Variants in ASCC3 observed in about 807,000 individuals in gnomAD.
The protein encoded by ASCC3 is ASC-1 complex subunit P200.
In ASCC3, 158 loss-of-function variants were observed where a neutral mutation model predicts 256.3. The observed-to-expected ratio is 0.62, with a 90% confidence interval of 0.54 to 0.70. The LOEUF (loss-of-function observed/expected upper bound fraction) is 0.70. ASCC3 is among the 30% of genes least tolerant of loss of function. The pLI, the probability that ASCC3 is intolerant of heterozygous loss-of-function variation, is 0.00. For missense variants in ASCC3, 2,259 were observed against 2,626.0 expected, an observed-to-expected ratio of 0.86 and a Z score of 3.05; for synonymous variants, 948 against 883.4, an observed-to-expected ratio of 1.07 and a Z score of -1.30.
intron 4 of ASCC3, among the ~76,000 whole-genome samples, chr6:100,807,412 T>C (rs1770243571): frequency 6.6e-6 from 1 of 150,788 alleles, no homozygotes; most frequent in African/African-American, 2.4e-5. Context: ...TTACCCTCCA[T>C]ACTTCCGCAA....
At chr6:100,729,407 G>C (rs1779794214) in intron 10 of ASCC3, among the ~76,000 whole-genome samples, 1 of 152,112 alleles carries the variant, frequency 6.6e-6, no homozygotes, top group African/African-American at 2.4e-5. Flanking sequence ...AATGTGTATT[G>C]GAAGCTATGC....
intron 8 of ASCC3, among the ~76,000 whole-genome samples, chr6:100,778,103 GA>G (rs34451852): frequency 1.2e-4 from 18 of 147,188 alleles, no homozygotes; most frequent in African/African-American, 4.0e-4. Context: ...TAAGATGGTG[GA>G]AAAAAAAAAA....
chr6:100,836,230 G>C (rs1442600831), intron 4 of ASCC3, among the ~76,000 whole-genome samples: 1 of 152,000 alleles, frequency 6.6e-6, no homozygotes, highest in Admixed American at 6.6e-5. Flanking sequence ...TCCCACATTG[G>C]ATGTCTTTTA....
intron 30 of ASCC3, among the ~76,000 whole-genome samples, chr6:100,623,712 T>C (rs1774082312): frequency 6.6e-6 from 1 of 152,112 alleles, no homozygotes; most frequent in Non-Finnish European, 1.5e-5. Context: ...TTTAGGAAAA[T>C]ATTTTTCAAA....
chr6:100,632,590 A>T (rs1307594047), intron 25 of ASCC3, among the ~76,000 whole-genome samples: 1 of 152,186 alleles, frequency 6.6e-6, no homozygotes, highest in Non-Finnish European at 1.5e-5. Context: ...TACAGTAATC[A>T]TAACAGTGTG....
intron 24 of ASCC3, among the ~76,000 whole-genome samples, chr6:100,639,881 G>A (rs926175239): frequency 7.2e-5 from 11 of 152,108 alleles, no homozygotes; most frequent in Non-Finnish European, 1.0e-4. Flanking sequence ...TTGGGAGGCC[G>A]AAGCGGATGG....
intron 4 of ASCC3, among the ~76,000 whole-genome samples, chr6:100,813,933 T>C (rs905767560): frequency 2.6e-5 from 4 of 152,082 alleles, no homozygotes; most frequent in Admixed American, 2.0e-4. Flanking sequence ...TGATGCCTGA[T>C]ATTTCTTTCT....
At chr6:100,767,803 A>C (rs1781732337) in intron 8 of ASCC3, among the ~76,000 whole-genome samples, 1 of 150,542 alleles carries the variant, frequency 6.6e-6, no homozygotes, top group Non-Finnish European at 1.5e-5. Context: ...TATTTAGTAG[A>C]GATGGGGTTT....
chr6:100,868,575 A>G (rs910541823), intron 1 of ASCC3, among the ~76,000 whole-genome samples: 1 of 152,244 alleles, frequency 6.6e-6, no homozygotes, highest in Non-Finnish European at 1.5e-5. Flanking sequence ...AATTCTTTTT[A>G]TAGCACTAAG....
At chr6:100,511,098 G>A (rs1048676459) in intron 40 of ASCC3, among the ~76,000 whole-genome samples, 5 of 152,132 alleles carry the variant, frequency 3.3e-5, no homozygotes, top group Middle Eastern at 3.4e-3. Context: ...TTATTAGTTT[G>A]TAATTATTAC....
At chr6:100,701,317 AAG>A (rs1778341560) in intron 13 of ASCC3, among the ~76,000 whole-genome samples, 1 of 152,166 alleles carries the variant, frequency 6.6e-6, no homozygotes, top group Non-Finnish European at 1.5e-5. Context: ...AATAAGTCTC[AAG>A]ATCTGATGGT....
At chr6:100,686,225 T>A (rs1310314373) in intron 13 of ASCC3, among the ~76,000 whole-genome samples, 1 of 152,222 alleles carries the variant, frequency 6.6e-6, no homozygotes, top group African/African-American at 2.4e-5. Context: ...ACATAGTAAG[T>A]GATCAACAAA....
chr6:100,572,897 A>G (rs1030966107), intron 36 of ASCC3, among the ~76,000 whole-genome samples: 2 of 152,112 alleles, frequency 1.3e-5, no homozygotes, highest in Admixed American at 1.3e-4. Flanking sequence ...TTAAAAGTAT[A>G]TATCTTACAT....
chr6:100,566,568 C>T (rs1432945187), intron 36 of ASCC3, among the ~76,000 whole-genome samples: 1 of 152,178 alleles, frequency 6.6e-6, no homozygotes, highest in African/African-American at 2.4e-5. Context: ...ACAGCAACCT[C>T]CTTATATCTG....
At chr6:100,583,481 CTTCT>C (rs367675016) in intron 36 of ASCC3, among the ~76,000 whole-genome samples, 2,346 of 152,034 alleles carry the variant, frequency 0.015, 24 homozygotes, top group East Asian at 0.045. Context: ...TCTCTCTTTT[CTTCT>C]TTATTAGTCT....
At chr6:100,527,548 C>T (rs1056475532) in intron 37 of ASCC3, among the ~76,000 whole-genome samples, 1 of 152,134 alleles carries the variant, frequency 6.6e-6, no homozygotes, top group African/African-American at 2.4e-5. Context: ...TAATACATCA[C>T]CAACCCACTG....
chr6:100,682,215 AATTT>A lies in ASCC3; in HGVS notation c.2152-2467_2152-2464del, dbSNP rs537771011. Among the ~76,000 whole-genome samples, 67 of 133,648 alleles carry A rather than the reference AATTT, an allele frequency of 5.0e-4. 1 individual carries two copies. The South Asian group carries it at 0.014, about 29-fold the overall frequency. 87.7% of individuals were successfully genotyped at this position (133,648 alleles called of 152,430 possible). A position where few individuals can be genotyped will look rare whatever the true frequency, so the allele number is the denominator to read the frequency against. On this transcript the variant is annotated intron_variant, in intron 13 of 41. Transcript: ENST00000369162. ...TCGGAATTAAAATGAAGTTTTTTGTAATTTATTTATTCATTCATTCATTCATATG... is the reference window on the plus strand; with the variant it reads ...TCGGAATTAAAATGAAGTTTTTTGTAATTTATTCATTCATTCATTCATATG...
At chr6:100,637,656 A>T (rs1774907854) in intron 25 of ASCC3, among the ~76,000 whole-genome samples, 1 of 152,128 alleles carries the variant, frequency 6.6e-6, no homozygotes, top group Non-Finnish European at 1.5e-5. Context: ...TGATTCTTGG[A>T]AGGAGGTCAA....
At chr6:100,608,076 A>ATATGTATATATCGATATACACATATAT (rs1773013332) in intron 30 of ASCC3, among the ~76,000 whole-genome samples, 1 of 103,964 alleles carries the variant, frequency 9.6e-6, no homozygotes, top group Admixed American at 1.1e-4. Context: ...ATATACATAT[A>ATATGTATATATCGATATACACATATAT]TATGTATATA....
Sources: gnomAD v4.1 joint callset for allele counts (sites outside exome capture counted in the v4.1 genomes callset) on GRCh38, gnomAD v4.1.1 for gene constraint, MANE v1.5 for transcripts, NCBI Gene and HGNC (gene_info 2026-07-23, HGNC 2026-07-21) for gene names.